The following ZNF596 variants were observed in gnomAD, a reference collection of about 807,000 sequenced individuals.
The protein encoded by ZNF596 is zinc finger protein 596.
Under a neutral mutation model 48.3 loss-of-function variants are expected in ZNF596, and 45 were observed. That is an observed-to-expected ratio of 0.93 (90% CI 0.73 to 1.19). The LOEUF (loss-of-function observed/expected upper bound fraction) is 1.19. Among genes scored for constraint, ZNF596 ranks in the 50% most tolerant of loss-of-function variants. The pLI is 0.00. For missense variants in ZNF596, 848 were observed against 599.7 expected (o/e 1.41, Z -4.32); for synonymous variants, 270 against 202.0 (o/e 1.34, Z -2.85).
intron 1 of ZNF596, among the ~76,000 whole-genome samples, chr8:234,163 G>A (rs931188102): frequency 6.6e-6 from 1 of 152,212 alleles, no homozygotes; most frequent in East Asian, 1.9e-4. Context: ...AGGAACCAGA[G>A]AAAGAAAAAG....
intron 5 of ZNF596, 104 bp downstream of exon 5, chr8:244,805 G>A: frequency 2.1e-6 from 2 of 934,058 alleles, no homozygotes; most frequent in Non-Finnish European, 3.3e-6. Context: ...AGCCCTCCCA[G>A]CAGTTTTAGA....
At position 246,194 on chromosome 8, in the gene ZNF596, C is replaced by A. The variant is rs1290588064; in HGVS notation, c.1347C>A (p.Cys449Ter). Residue 449 changes from cysteine to a stop codon, truncating the protein, a stop_gained, in exon 6 of 6, where the codon TGC becomes TGA. Transcript: ENST00000398612. LOFTEE classifies it high-confidence loss of function. ...ACACTGGAGAGAAACCATATGAATG[C>A]AATATATGTGGTAAAGCCTTCAATA... ...RTHTGEKPYE[C>*]NICGKAFNRS... The A allele has an allele frequency of 1.2e-6, 2 of 1,613,856 alleles. No homozygotes were observed. The highest frequency in any genetic ancestry group is 1.7e-5 in the Admixed American group (1 of 59,990).
rs529639664 is a variant in ZNF596 at position 242,320 on chromosome 8, G to C, written c.13-567G>C. ...CTATATGAAAGTTGTTCACACAACTGAGTGTTCTCAGTCATTTCATGAATA... is the reference window on the plus strand; with the variant it reads ...CTATATGAAAGTTGTTCACACAACTCAGTGTTCTCAGTCATTTCATGAATA... On this transcript the variant is annotated intron_variant, in intron 2 of 5. Coordinates refer to ENST00000398612, the MANE Select transcript of ZNF596 (RefSeq NM_001042416.3). 2.0e-5 allele frequency among the ~76,000 whole-genome samples: 3 copies of C among 152,294 alleles called. No homozygotes were observed. The East Asian group carries it at 5.8e-4, about 29-fold the overall frequency.
At chr8:235,465 A>G (rs1210045332) in intron 1 of ZNF596, among the ~76,000 whole-genome samples, 2 of 152,010 alleles carry the variant, frequency 1.3e-5, no homozygotes, top group East Asian at 1.9e-4. Context: ...CCAGAACTTG[A>G]TACTGTATGT....
chr8:242,677 A>G (rs771523696), intron 2 of ZNF596, among the ~76,000 whole-genome samples: 19 of 152,300 alleles, frequency 1.2e-4, no homozygotes, highest in Middle Eastern at 3.4e-3. Flanking sequence ...ACCACATGTG[A>G]TATTTCTCTA....
At chr8:239,531 A>T (rs1563064896) in intron 1 of ZNF596, among the ~76,000 whole-genome samples, 1 of 152,198 alleles carries the variant, frequency 6.6e-6, no homozygotes, top group Non-Finnish European at 1.5e-5. Flanking sequence ...ACTAGGGTTT[A>T]GCAGCTCACA....
At chr8:243,306 G>C (rs565508961) in intron 3 of ZNF596, 1 of 295,260 alleles carries the variant, frequency 3.4e-6, no homozygotes, top group African/African-American at 2.2e-5. Flanking sequence ...CACTGCTTTG[G>C]TATGCATAAA....
In ZNF596 at chr8:232,544, G is replaced by A. The variant is rs887256548; in HGVS notation, c.-223G>A. 6 of 308,484 alleles carry A rather than the reference G, an allele frequency of 1.9e-5. No homozygotes were observed. The highest frequency in any genetic ancestry group is 3.3e-5 in the Non-Finnish European group (5 of 150,184). 19.1% of individuals were successfully genotyped at this position (308,484 alleles called of 1,614,324 possible). The stretch of plus-strand genomic sequence containing the variant: ...CGGCAACCGCCCTCCTGTCGGCGGG[G>A]AGTCCCGCGACGCCCGGAAATGCTC... On this transcript the variant is annotated 5_prime_UTR_variant, in exon 1 of 6. Transcript: ENST00000398612.
chr8:242,025 G>A (rs370269155), intron 2 of ZNF596, among the ~76,000 whole-genome samples: 4 of 152,130 alleles, frequency 2.6e-5, no homozygotes, highest in Non-Finnish European at 5.9e-5. Context: ...ACCTCCCACC[G>A]GACCCCTCCC....
Position 243,018 on chromosome 8 carries a change from G to C in ZNF596, c.139+5G>C, listed in dbSNP as rs548527983. 5.6e-6 allele frequency: 9 copies of C among 1,605,734 alleles called. No homozygotes were observed. The East Asian group carries it at 2.0e-4, about 36-fold the overall frequency. ...TCAGTCATCTGGTCTCTATTGGTGA[G>C]TCTCTTTATATTTATTATGTATGTA... On this transcript the variant is annotated splice_donor_5th_base_variant and intron_variant, in intron 3 of 5. Coordinates refer to ENST00000398612, the MANE Select transcript of ZNF596 (RefSeq NM_001042416.3).
Position 242,874 on chromosome 8 carries a change from C to T in ZNF596, c.13-13C>T. ...ATAGCCCTGTTTGCAGTAGAATGTC[C>T]ATAATGTTTTAGGATTCCATGACCT... On this transcript the variant is annotated splice_polypyrimidine_tract_variant and intron_variant, in intron 2 of 5. Coordinates refer to ENST00000398612, the MANE Select transcript of ZNF596 (RefSeq NM_001042416.3). 6.6e-7 allele frequency: 1 copy of T among 1,524,990 alleles called. No homozygotes were observed. Among genetic ancestry groups the T allele is most frequent in the Non-Finnish European group, 8.9e-7 (1 of 1,126,826 alleles). 94.5% of individuals were successfully genotyped at this position (1,524,990 alleles called of 1,614,324 possible). A position where few individuals can be genotyped will look rare whatever the true frequency, so the allele number is the denominator to read the frequency against.
chr8:241,416 C>T (rs959430075), intron 2 of ZNF596, among the ~76,000 whole-genome samples: 1 of 152,124 alleles, frequency 6.6e-6, no homozygotes, highest in Non-Finnish European at 1.5e-5. Context: ...AGGAATTATT[C>T]ATTTATTTTT....
In ZNF596 at chr8:245,507, G is replaced by C; in HGVS notation, c.660G>C (p.Glu220Asp). The change falls in exon 6 of 6, where the codon GAG becomes GAC. Residue 220 changes from glutamate (E) to aspartate (D), a missense_variant. Physicochemically the swap from Glu to Asp is conservative, Grantham distance 45. Coordinates refer to ENST00000398612, the MANE Select transcript of ZNF596 (RefSeq NM_001042416.3). ...GACATGAGATGATTCACACTGGAGAGAAACCACACGGATGTCATCTATGTG... is the reference window on the plus strand; with the variant it reads ...GACATGAGATGATTCACACTGGAGACAAACCACACGGATGTCATCTATGTG... ...LRRHEMIHTG[E>D]KPHGCHLCGK... 4 of 1,614,164 alleles carry C rather than the reference G, an allele frequency of 2.5e-6. No individual in the cohort carries two copies. The highest frequency in any genetic ancestry group is 3.4e-6 in the Non-Finnish European group (4 of 1,180,016).
intron 3 of ZNF596, 179 bp downstream of exon 3, chr8:243,192 C>G (rs1051158341): frequency 6.3e-6 from 3 of 474,844 alleles, no homozygotes; most frequent in Non-Finnish European, 1.1e-5. Flanking sequence ...CTTTCCTTTT[C>G]ACTTATATTG....
chr8:242,736 G>C (rs1396908051), intron 2 of ZNF596, 151 bp from the exon 3 acceptor site: 1 of 587,480 alleles, frequency 1.7e-6, no homozygotes, highest in Admixed American at 4.0e-5. Context: ...TCCCAGTTCA[G>C]ATTTAAAGCA....
At chr8:236,565 T>G (rs1218898314) in intron 1 of ZNF596, among the ~76,000 whole-genome samples, 1 of 152,212 alleles carries the variant, frequency 6.6e-6, no homozygotes, top group African/African-American at 2.4e-5. Context: ...TAAGAAGAAT[T>G]AGTCCCCACA....
At chr8:233,490 G>A (rs141721740) in intron 1 of ZNF596, 718 of 229,796 alleles carry the variant, frequency 3.1e-3, no homozygotes, top group African/African-American at 0.016. Context: ...GATGATTTGA[G>A]TTAGTTTAGT....
rs765870848 is a variant in ZNF596, at chr8:246,273, G to C, written c.1426G>C (p.Val476Leu). The C allele has an allele frequency of 1.6e-5, 26 of 1,612,634 alleles. No homozygotes were observed. The East Asian group carries it at 3.6e-4, about 22-fold the overall frequency. The change falls in exon 6 of 6, where the codon GTA becomes CTA. Residue 476 changes from valine to leucine, a missense_variant. Val to Leu is a conservative substitution (Grantham distance 32). Transcript: ENST00000398612. ...AGTTCACACTGGAGAGAAACCATAT[G>C]TATGTCCTCTATGTGGGAAAGCCTT... ...RRVHTGEKPY[V>L]CPLCGKAFSK...
intron 1 of ZNF596, chr8:234,338 A>T (rs146963530): frequency 2.8e-4 from 42 of 152,006 alleles, no homozygotes; most frequent in African/African-American, 9.9e-4. Context: ...GGGCAGAAAA[A>T]CTCACCTGTT....
Sources: allele counts gnomAD v4.1 joint callset (sites outside exome capture counted in the v4.1 genomes callset), GRCh38; gene constraint gnomAD v4.1.1; transcripts MANE v1.5; gene names NCBI Gene and HGNC (gene_info 2026-07-23, HGNC 2026-07-21).